The following ATP11B variants were observed in gnomAD, a reference collection of about 807,000 sequenced individuals.
ATP11B encodes the protein phospholipid-transporting ATPase IF.
In ATP11B, 81 loss-of-function variants were observed where a neutral mutation model predicts 157.8. The observed-to-expected ratio is 0.51, with a 90% confidence interval of 0.43 to 0.62. ATP11B has a LOEUF of 0.62. Among genes scored for constraint, ATP11B ranks in the 20% least tolerant of loss-of-function variants. The pLI is 0.00. For synonymous variants in ATP11B, 451 were observed against 469.4 expected, an observed-to-expected ratio of 0.96 and a Z score of 0.51; for missense variants, 1,165 against 1,402.2, an observed-to-expected ratio of 0.83 and a Z score of 2.70.
At chr3:182,867,953 T>C (rs1194054129) in intron 15 of ATP11B, among the ~76,000 whole-genome samples, 1 of 152,178 alleles carries the variant, frequency 6.6e-6, no homozygotes, top group Non-Finnish European at 1.5e-5. Context: ...GCCTGAAATA[T>C]TTACTCTCTG....
At chr3:182,865,814 A>G in intron 13 of ATP11B, 116 bp downstream of exon 13, 1 of 756,366 alleles carries the variant, frequency 1.3e-6, no homozygotes, top group South Asian at 2.1e-5. Flanking sequence ...TACATTTGAA[A>G]TTCATATATT....
In ATP11B at chr3:182,846,580, T is replaced by G. The variant is rs146311200; in HGVS notation, c.769+1058T>G. On this transcript the variant is annotated intron_variant, in intron 9 of 29. Transcript: ENST00000323116. Reference sequence around the variant, plus strand: ...AAGGTTGGAAATAGCCCAATGTTCATTAGATAATGAATGAATAAGCAAAAT... The same window carrying G: ...AAGGTTGGAAATAGCCCAATGTTCAGTAGATAATGAATGAATAAGCAAAAT... 8.4e-4 allele frequency among the ~76,000 whole-genome samples: 128 copies of G among 152,314 alleles called. 1 individual carries two copies. The highest frequency in any genetic ancestry group is 2.9e-3 in the African/African-American group (122 of 41,566).
intron 28 of ATP11B, among the ~76,000 whole-genome samples, chr3:182,901,663 A>G (rs942574878): frequency 2.6e-5 from 4 of 152,188 alleles, no homozygotes; most frequent in African/African-American, 9.7e-5. Context: ...ATGTTTTCAT[A>G]GATATTTCTT....
At chr3:182,856,415 G>C (rs1429900235) in intron 10 of ATP11B, among the ~76,000 whole-genome samples, 1 of 152,140 alleles carries the variant, frequency 6.6e-6, no homozygotes, top group African/African-American at 2.4e-5. Flanking sequence ...GAATATGTCT[G>C]ATGAGGGTAG....
intron 1 of ATP11B, among the ~76,000 whole-genome samples, chr3:182,816,311 G>A (rs931839062): frequency 6.6e-6 from 1 of 152,156 alleles, no homozygotes; most frequent in African/African-American, 2.4e-5. Context: ...CCTTTGCCCA[G>A]GACAAGATAA....
intron 1 of ATP11B, among the ~76,000 whole-genome samples, chr3:182,810,792 C>G (rs1716616539): frequency 6.6e-6 from 1 of 152,206 alleles, no homozygotes. Flanking sequence ...GCAGCACCTT[C>G]TAACTTGAGA....
chr3:182,799,144 G>A (rs1161049691), intron 1 of ATP11B, among the ~76,000 whole-genome samples: 2 of 152,228 alleles, frequency 1.3e-5, no homozygotes. Flanking sequence ...GAAGCTGCCT[G>A]ATAGACTAAC....
intron 20 of ATP11B, among the ~76,000 whole-genome samples, chr3:182,880,542 C>T (rs1241209184): frequency 6.6e-6 from 1 of 151,874 alleles, no homozygotes; most frequent in Non-Finnish European, 1.5e-5. Flanking sequence ...AAAATAATTT[C>T]TTAAGAAAAA....
chr3:182,863,085 T>A (rs909189145), intron 12 of ATP11B, among the ~76,000 whole-genome samples: 9 of 151,844 alleles, frequency 5.9e-5, no homozygotes, highest in African/African-American at 1.9e-4. Context: ...CCTGGCTAAT[T>A]TTTTGTATTT....
At chr3:182,798,278 C>T (rs916257154) in intron 1 of ATP11B, among the ~76,000 whole-genome samples, 4 of 152,100 alleles carry the variant, frequency 2.6e-5, no homozygotes, top group Admixed American at 1.3e-4. Context: ...AGCAGTTGGC[C>T]CATTGTAGGT....
intron 4 of ATP11B, among the ~76,000 whole-genome samples, chr3:182,834,899 T>A (rs548368892): frequency 3.9e-5 from 6 of 152,224 alleles, no homozygotes; most frequent in Non-Finnish European, 8.8e-5. Context: ...CTTACCAATA[T>A]CATAAGACAG....
At chr3:182,875,556 C>G (rs1324460725) in intron 19 of ATP11B, among the ~76,000 whole-genome samples, 3 of 152,186 alleles carry the variant, frequency 2.0e-5, no homozygotes, top group South Asian at 4.1e-4. Context: ...ATTCTCCTGC[C>G]TCAGCCTCCT....
chr3:182,793,852 G>C (rs1453962943), intron 1 of ATP11B, 66 bp downstream of exon 1: 2 of 1,110,614 alleles, frequency 1.8e-6, no homozygotes, highest in Non-Finnish European at 1.1e-6. Flanking sequence ...CCGGGGTGGC[G>C]GGGAAAGGCC....
intron 1 of ATP11B, among the ~76,000 whole-genome samples, chr3:182,817,469 C>A (rs910628789): frequency 1.3e-5 from 2 of 152,052 alleles, no homozygotes; most frequent in African/African-American, 2.4e-5. Context: ...TTAGTAGAGA[C>A]GGAGTTTCAC....
intron 29 of ATP11B, chr3:182,917,097 A>C (rs1181123505): frequency 1.0e-6 from 1 of 985,280 alleles, no homozygotes; most frequent in East Asian, 1.1e-4. Context: ...ATACAAACTT[A>C]GCATCTCTGG....
At chr3:182,910,184 A>G (rs576432577) in intron 28 of ATP11B, among the ~76,000 whole-genome samples, 44 of 152,212 alleles carry the variant, frequency 2.9e-4, no homozygotes, top group African/African-American at 1.1e-3. Flanking sequence ...TAGTTCAAAA[A>G]GTGATCTGAA....
In ATP11B at chr3:182,920,364, AAG is replaced by A. The variant is rs924910285; in HGVS notation, c.*2263_*2264del. The stretch of plus-strand genomic sequence containing the variant: ...CAAAATTATCTTGTGATTTTAAGAA[AAG>A]AGTTTTCTATTTATTTAAGAAAGTA... On this transcript the variant is annotated 3_prime_UTR_variant, in exon 30 of 30. Transcript: ENST00000323116. 6 of 152,210 alleles carry A rather than the reference AAG, an allele frequency of 3.9e-5. No individual in the cohort carries two copies. The highest frequency in any genetic ancestry group is 1.4e-4 in the African/African-American group (6 of 41,458). 9.4% of individuals were successfully genotyped at this position (152,210 alleles called of 1,614,324 possible). A position where few individuals can be genotyped will look rare whatever the true frequency, so the allele number is the denominator to read the frequency against.
intron 7 of ATP11B, among the ~76,000 whole-genome samples, chr3:182,837,459 A>G (rs1718642057): frequency 6.6e-6 from 1 of 152,126 alleles, no homozygotes; most frequent in Non-Finnish European, 1.5e-5. Flanking sequence ...AACAGTAGTT[A>G]TAGTAGACAT....
chr3:182,896,898 A>G (rs1723588960), intron 26 of ATP11B, 133 bp downstream of exon 26: 1 of 665,734 alleles, frequency 1.5e-6, no homozygotes, highest in Non-Finnish European at 2.6e-6. Flanking sequence ...ACTGGTTACT[A>G]TTTTAATAGT....
Sources: gnomAD v4.1 joint callset for allele counts (sites outside exome capture counted in the v4.1 genomes callset) on GRCh38, gnomAD v4.1.1 for gene constraint, MANE v1.5 for transcripts, NCBI Gene and HGNC (gene_info 2026-07-23, HGNC 2026-07-21) for gene names.